KCNK13: variants seen among roughly 807,000 people sequenced by gnomAD.
The protein encoded by KCNK13 is potassium two pore domain channel subfamily K member 13.
In KCNK13, 12 loss-of-function variants were observed where a neutral mutation model predicts 23.4. That is an observed-to-expected ratio of 0.51 (90% CI 0.33 to 0.83). The LOEUF is 0.83. Ranked by LOEUF, KCNK13 falls within the 40% of genes least tolerant of loss-of-function variation. KCNK13 has a pLI of 0.02. For synonymous variants in KCNK13, 231 were observed against 229.5 expected (o/e 1.01, Z -0.06); for missense variants, 463 against 556.3 (o/e 0.83, Z 1.69).
At chr14:90,137,454 G>A (rs932089672) in intron 1 of KCNK13, among the ~76,000 whole-genome samples, 2 of 151,974 alleles carry the variant, frequency 1.3e-5, no homozygotes, top group Non-Finnish European at 2.9e-5. Flanking sequence ...CCGAGTAGCT[G>A]GGATTACAGG....
At chr14:90,105,555 T>C (rs2140409023) in intron 1 of KCNK13, among the ~76,000 whole-genome samples, 1 of 152,274 alleles carries the variant, frequency 6.6e-6, no homozygotes, top group African/African-American at 2.4e-5. Flanking sequence ...TGGCCCTGGA[T>C]TGTGGTCGTT....
intron 1 of KCNK13, among the ~76,000 whole-genome samples, chr14:90,126,317 G>A (rs12878343): frequency 1.1e-4 from 17 of 152,048 alleles, no homozygotes; most frequent in Non-Finnish European, 1.5e-5. Context: ...GAAACAGCAC[G>A]GGCCGAGGAA....
intron 1 of KCNK13, among the ~76,000 whole-genome samples, chr14:90,178,420 T>G (rs1269588800): frequency 6.6e-6 from 1 of 151,768 alleles, no homozygotes; most frequent in African/African-American, 2.4e-5. Context: ...GCCTCCGGAG[T>G]AGCTGGGATT....
intron 1 of KCNK13, among the ~76,000 whole-genome samples, chr14:90,109,155 T>C (rs145101874): frequency 0.017 from 2,523 of 148,994 alleles, 65 homozygotes; most frequent in African/African-American, 0.059. Context: ...CCAGCCTGGG[T>C]GACAGAGCAA....
chr14:90,072,333 T>G (rs554775380), intron 1 of KCNK13, among the ~76,000 whole-genome samples: 15 of 152,024 alleles, frequency 9.9e-5, no homozygotes, highest in Non-Finnish European at 2.1e-4. Context: ...AACTCAGGGG[T>G]CAGACCGTGA....
At chr14:90,161,807 G>A in intron 1 of KCNK13, among the ~76,000 whole-genome samples, 1 of 152,100 alleles carries the variant, frequency 6.6e-6, no homozygotes, top group Non-Finnish European at 1.5e-5. Flanking sequence ...AAATAAGCAA[G>A]GGCATCTTTG....
intron 1 of KCNK13, among the ~76,000 whole-genome samples, chr14:90,110,158 G>T (rs1889597439): frequency 6.6e-6 from 1 of 152,134 alleles, no homozygotes; most frequent in African/African-American, 2.4e-5. Flanking sequence ...TGTCTTTAAG[G>T]AACCCAGAGG....
At chr14:90,092,912 CAAAAAA>C (rs34122207) in intron 1 of KCNK13, among the ~76,000 whole-genome samples, 14,484 of 79,086 alleles carry the variant, frequency 0.18, 1,057 homozygotes, top group South Asian at 0.37. Context: ...ACCCTGTCTC[CAAAAAA>C]AAAAAAAAAA....
intron 1 of KCNK13, among the ~76,000 whole-genome samples, chr14:90,181,350 A>G (rs1342719538): frequency 2.0e-5 from 3 of 152,220 alleles, no homozygotes; most frequent in Non-Finnish European, 4.4e-5. Context: ...TCAAGGCATC[A>G]GCAGGTTGAG....
chr14:90,139,474 G>A (rs1438093757), intron 1 of KCNK13, among the ~76,000 whole-genome samples: 1 of 14 alleles, frequency 0.071, no homozygotes, highest in African/African-American at 0.12. Flanking sequence ...TCGAGCATGC[G>A]GGGGCCCTGT....
chr14:90,130,186 T>TTATTTATC (rs1889850899), intron 1 of KCNK13, among the ~76,000 whole-genome samples: 1 of 148,072 alleles, frequency 6.8e-6, no homozygotes, highest in African/African-American at 2.5e-5. Context: ...GGACATTTAT[T>TTATTTATC]TATTTATTTA....
At chr14:90,091,175 C>T (rs1464863712) in intron 1 of KCNK13, among the ~76,000 whole-genome samples, 1 of 152,176 alleles carries the variant, frequency 6.6e-6, no homozygotes, top group African/African-American at 2.4e-5. Context: ...GAGGGCCCCA[C>T]ATGATATTAT....
At chr14:90,152,446 A>G (rs898668752) in intron 1 of KCNK13, among the ~76,000 whole-genome samples, 5 of 152,114 alleles carry the variant, frequency 3.3e-5, no homozygotes. Flanking sequence ...GAGGCAGGAG[A>G]ATCGCTTGAA....
chr14:90,152,491 C>T (rs996762973), intron 1 of KCNK13, among the ~76,000 whole-genome samples: 10 of 152,040 alleles, frequency 6.6e-5, no homozygotes, highest in Non-Finnish European at 8.8e-5. Context: ...CCCGAGATCG[C>T]GCCATTGCAC....
intron 1 of KCNK13, among the ~76,000 whole-genome samples, chr14:90,089,450 G>A (rs919156828): frequency 6.6e-6 from 1 of 152,224 alleles, no homozygotes; most frequent in Non-Finnish European, 1.5e-5. Context: ...CATTCAAGAG[G>A]TGCTATTGAA....
At chr14:90,074,070 A>G (rs2140390888) in intron 1 of KCNK13, among the ~76,000 whole-genome samples, 1 of 152,246 alleles carries the variant, frequency 6.6e-6, no homozygotes, top group South Asian at 2.1e-4. Context: ...CCCAGGTTCA[A>G]GTGATTCTTC....
chr14:90,113,938 A>G (rs1259630812), intron 1 of KCNK13, among the ~76,000 whole-genome samples: 1 of 152,020 alleles, frequency 6.6e-6, no homozygotes, highest in African/African-American at 2.4e-5. Context: ...GTCTCAAAAG[A>G]AGAAGAAGAA....
chr14:90,114,340 C>T (rs1394249469), intron 1 of KCNK13, among the ~76,000 whole-genome samples: 1 of 152,168 alleles, frequency 6.6e-6, no homozygotes, highest in Non-Finnish European at 1.5e-5. Flanking sequence ...GGCGCTCAAA[C>T]TTGGCTGCAC....
Position 90,185,033 on chromosome 14 carries a change from AGAGTAGAATGGAG to A in KCNK13, c.*33_*45del. 1.3e-6 allele frequency: 2 copies of A among 1,519,782 alleles called. No individual in the cohort carries two copies. Among genetic ancestry groups the A allele is most frequent in the Non-Finnish European group, 1.8e-6 (2 of 1,136,176 alleles). 94.1% of individuals were successfully genotyped at this position (1,519,782 alleles called of 1,614,324 possible). ...CAGGAGTGGATGCTGGGCAGAGGCC[AGAGTAGAATGGAG>A]GATGATTGCCGCCCAGGGGACGAGC... is the stretch of plus-strand genomic sequence containing the variant. On this transcript the variant is annotated 3_prime_UTR_variant, in exon 2 of 2. Transcript: ENST00000282146.
Sources: allele counts gnomAD v4.1 joint callset (sites outside exome capture counted in the v4.1 genomes callset), GRCh38; gene constraint gnomAD v4.1.1; transcripts MANE v1.5; gene names NCBI Gene and HGNC (gene_info 2026-07-23, HGNC 2026-07-21).